The following LRRTM4 variants were observed in gnomAD, a reference collection of about 807,000 sequenced individuals.
LRRTM4 encodes the protein leucine-rich repeat transmembrane neuronal protein 4.
A neutral mutation model predicts 47.6 loss-of-function variants in LRRTM4; 25 were observed. The observed-to-expected ratio is 0.53, with a 90% CI of 0.38 to 0.73. The LOEUF (loss-of-function observed/expected upper bound fraction) is 0.73, where lower values mean the gene tolerates loss of function less well. Ranked by LOEUF, LRRTM4 falls within the 30% of genes least tolerant of loss-of-function variation. LRRTM4 has a pLI of 0.00. For synonymous variants in LRRTM4, 311 were observed against 269.5 expected, an observed-to-expected ratio of 1.15 and a Z score of -1.51; for missense variants, 638 against 713.4, an observed-to-expected ratio of 0.89 and a Z score of 1.20.
intron 3 of LRRTM4, among the ~76,000 whole-genome samples, chr2:77,388,501 T>G (rs1318876581): frequency 1.3e-5 from 2 of 152,186 alleles, no homozygotes; most frequent in African/African-American, 4.8e-5. Flanking sequence ...TTAAACTATT[T>G]TTTTCCATGC....
chr2:76,995,774 G>A (rs1677179481), intron 3 of LRRTM4, among the ~76,000 whole-genome samples: 2 of 151,948 alleles, frequency 1.3e-5, no homozygotes, highest in South Asian at 2.1e-4. Flanking sequence ...ATAAATATAA[G>A]ATCCCAATTT....
intron 3 of LRRTM4, among the ~76,000 whole-genome samples, chr2:77,497,610 T>C (rs572677988): frequency 2.5e-4 from 38 of 151,442 alleles, no homozygotes; most frequent in Non-Finnish European, 4.6e-4. Flanking sequence ...CACTATACTA[T>C]GTACATATAT....
chr2:77,381,276 G>T (rs989804512), intron 3 of LRRTM4, among the ~76,000 whole-genome samples: 11 of 151,966 alleles, frequency 7.2e-5, no homozygotes, highest in Non-Finnish European at 1.6e-4. Context: ...AGAGATTACA[G>T]AAGTCAATGG....
intron 3 of LRRTM4, among the ~76,000 whole-genome samples, chr2:77,104,556 C>G (rs139186155): frequency 6.6e-6 from 1 of 152,262 alleles, no homozygotes; most frequent in East Asian, 1.9e-4. Context: ...AAACTCGCCA[C>G]AAACCTCAAA....
At chr2:77,186,987 G>T (rs1214211135) in intron 3 of LRRTM4, among the ~76,000 whole-genome samples, 1 of 152,114 alleles carries the variant, frequency 6.6e-6, no homozygotes, top group Non-Finnish European at 1.5e-5. Context: ...TTCTTTTGGT[G>T]CCCTAGGACA....
chr2:76,810,975 A>G (rs1389358577), intron 3 of LRRTM4, among the ~76,000 whole-genome samples: 3 of 152,206 alleles, frequency 2.0e-5, no homozygotes, highest in African/African-American at 4.8e-5. Context: ...GGTTAAAAAA[A>G]AAGTTAATAA....
chr2:77,453,765 G>A lies in LRRTM4; in HGVS notation c.1551+64553C>T, dbSNP rs1447667891. 9.2e-5 allele frequency among the ~76,000 whole-genome samples: 14 copies of A among 152,024 alleles called. No individual in the cohort carries two copies. The East Asian group carries it at 2.3e-3, about 25-fold the overall frequency. ...GTATGTCTTTCATAAAAAGGACATTGGTAAATTACCTTGCTATAAATTGTT... is the reference window on the plus strand; with the variant it reads ...GTATGTCTTTCATAAAAAGGACATTAGTAAATTACCTTGCTATAAATTGTT... On this transcript the variant is annotated intron_variant, in intron 3 of 3. Transcript: ENST00000409884.
rs374848704 is a variant in LRRTM4, at chr2:77,499,138, C to T, written c.1551+19180G>A. Among the ~76,000 whole-genome samples the T allele has an allele frequency of 6.6e-4, 101 of 151,940 alleles. 3 individuals are homozygous for T. The South Asian group carries it at 0.019, about 29-fold the overall frequency. On this transcript the variant is annotated intron_variant, in intron 3 of 3. Transcript: ENST00000409884. ...AGGGTTAATTGGCAATATCTGGAGA[C>T]ACCATTGGTTGTCATGATTGGCATG...
At chr2:77,493,945 A>G (rs1479322877) in intron 3 of LRRTM4, among the ~76,000 whole-genome samples, 1 of 152,148 alleles carries the variant, frequency 6.6e-6, no homozygotes, top group Non-Finnish European at 1.5e-5. Context: ...TACTTCAGCC[A>G]TATCGTACCA....
At chr2:77,258,083 C>A (rs1239353501) in intron 3 of LRRTM4, among the ~76,000 whole-genome samples, 1 of 143,744 alleles carries the variant, frequency 7.0e-6, no homozygotes, top group Non-Finnish European at 1.5e-5. Flanking sequence ...GCAACAAGAC[C>A]AAAACTCTGT....
chr2:77,194,115 G>A (rs560834174), intron 3 of LRRTM4, among the ~76,000 whole-genome samples: 2 of 152,262 alleles, frequency 1.3e-5, no homozygotes, highest in Admixed American at 6.5e-5. Context: ...TGATGCTTGT[G>A]TCATAAGGGC....
At chr2:77,193,496 CTT>C (rs965035828) in intron 3 of LRRTM4, among the ~76,000 whole-genome samples, 2 of 145,174 alleles carry the variant, frequency 1.4e-5, no homozygotes, top group African/African-American at 5.0e-5. Context: ...ATGCCTTGCT[CTT>C]TTTTTTTTTA....
Position 76,773,196 on chromosome 2 carries a change from G to A in LRRTM4, c.1552-24280C>T, listed in dbSNP as rs572806487. Among the ~76,000 whole-genome samples the A allele has an allele frequency of 5.9e-5, 9 of 152,322 alleles. No individual in the cohort carries two copies. In the East Asian group the frequency reaches 1.7e-3, roughly 29 times the overall value. ...GCGCCTCTATCTTCCAGTCTCTGGG[G>A]AATGATAGGAGCCTAATTTCCATAA... is the stretch of plus-strand genomic sequence containing the variant. On this transcript the variant is annotated intron_variant, in intron 3 of 3. Transcript: ENST00000409884.
At chr2:77,252,435 C>A (rs1314790040) in intron 3 of LRRTM4, among the ~76,000 whole-genome samples, 2 of 152,186 alleles carry the variant, frequency 1.3e-5, no homozygotes, top group Non-Finnish European at 2.9e-5. Context: ...CTTAGTGACA[C>A]AACCAAAATG....
At chr2:77,251,006 G>A (rs1053951060) in intron 3 of LRRTM4, among the ~76,000 whole-genome samples, 1 of 151,880 alleles carries the variant, frequency 6.6e-6, no homozygotes, top group African/African-American at 2.4e-5. Flanking sequence ...GGAAGGCTGA[G>A]GCAGGAGAAT....
At chr2:76,901,581 C>T (rs989490118) in intron 3 of LRRTM4, among the ~76,000 whole-genome samples, 25 of 151,962 alleles carry the variant, frequency 1.6e-4, no homozygotes, top group African/African-American at 5.6e-4. Context: ...TAAGGTATCT[C>T]TAAGCACTGT....
intron 3 of LRRTM4, among the ~76,000 whole-genome samples, chr2:77,467,786 G>A (rs752497263): frequency 5.3e-5 from 8 of 152,080 alleles, no homozygotes; most frequent in Non-Finnish European, 7.4e-5. Flanking sequence ...TCATAAGTTT[G>A]GATGGTAGGG....
chr2:77,355,490 A>T (rs1558703843), intron 3 of LRRTM4, among the ~76,000 whole-genome samples: 1 of 152,128 alleles, frequency 6.6e-6, no homozygotes, highest in African/African-American at 2.4e-5. Flanking sequence ...GGTTGTTCTG[A>T]TTACTTTCAG....
intron 3 of LRRTM4, among the ~76,000 whole-genome samples, chr2:77,175,440 G>A (rs1392520387): frequency 6.6e-6 from 1 of 152,078 alleles, no homozygotes; most frequent in African/African-American, 2.4e-5. Context: ...ATAGAATCCA[G>A]GGCTCGTGGC....
Sources: gnomAD v4.1 joint callset for allele counts (sites outside exome capture counted in the v4.1 genomes callset) on GRCh38, gnomAD v4.1.1 for gene constraint, MANE v1.5 for transcripts, NCBI Gene and HGNC (gene_info 2026-07-23, HGNC 2026-07-21) for gene names.